Variants in DGKK observed in about 807,000 individuals in gnomAD.
The protein encoded by DGKK is 142 kDa diacylglycerol kinase.
In DGKK, 35 loss-of-function variants were observed where a neutral mutation model predicts 92.2. The ratio of observed to expected loss-of-function variants is 0.38; its 90% confidence interval spans 0.29 to 0.50. DGKK has a LOEUF of 0.50. Among genes scored for constraint, DGKK ranks in the 20% least tolerant of loss-of-function variants. The pLI is 0.92. For synonymous variants in DGKK, 368 were observed against 360.6 expected (o/e 1.02, Z -0.23); for missense variants, 910 against 992.2 (o/e 0.92, Z 1.11).
At chrX:50,431,246 TC>T (rs1925878402) in intron 1 of DGKK, among the ~76,000 whole-genome samples, 1 of 111,268 alleles carries the variant, frequency 9.0e-6, no homozygotes, top group African/African-American at 3.3e-5. Flanking sequence ...CCCAGGCTGG[TC>T]TTGAACTCCT....
At chrX:50,469,264 T>C (rs1926989190) in intron 1 of DGKK, among the ~76,000 whole-genome samples, 1 of 112,087 alleles carries the variant, frequency 8.9e-6, no homozygotes, top group African/African-American at 3.2e-5. Flanking sequence ...CCATTCCAAT[T>C]GGCCCTGGTG....
intron 1 of DGKK, among the ~76,000 whole-genome samples, chrX:50,464,254 C>A (rs1368697297): frequency 2.8e-5 from 3 of 107,625 alleles, no homozygotes; most frequent in African/African-American, 1.0e-4. Flanking sequence ...ATATCCTCTT[C>A]ACCAACACAT....
chrX:50,438,797 T>G (rs1196168903), intron 1 of DGKK, among the ~76,000 whole-genome samples: 2 of 111,593 alleles, frequency 1.8e-5, no homozygotes, highest in Non-Finnish European at 3.8e-5. Context: ...ATATGAAAAT[T>G]TGGCACTTGA....
chrX:50,414,132 C>T (rs181368556), intron 4 of DGKK, among the ~76,000 whole-genome samples: 5 of 111,397 alleles, frequency 4.5e-5, no homozygotes, highest in South Asian at 7.7e-4. Context: ...TGCATGATCT[C>T]ATTTATATAT....
At chrX:50,389,412 C>T (rs1924628564) in intron 12 of DGKK, among the ~76,000 whole-genome samples, 1 of 112,062 alleles carries the variant, frequency 8.9e-6, no homozygotes, top group Non-Finnish European at 1.9e-5. Context: ...TGCCTCTAGT[C>T]TTTTATTCCT....
chrX:50,404,420 A>G (rs1325146845), intron 4 of DGKK, among the ~76,000 whole-genome samples: 1 of 109,061 alleles, frequency 9.2e-6, no homozygotes, highest in Non-Finnish European at 1.9e-5. Flanking sequence ...ACCCTGGAAT[A>G]GAAGCTGAAG....
intron 8 of DGKK, among the ~76,000 whole-genome samples, chrX:50,395,797 C>CA (rs35132890): frequency 0.36 from 29,579 of 81,144 alleles, 4,367 homozygotes; most frequent in Middle Eastern, 0.49. Flanking sequence ...AGAACATTGG[C>CA]AAAAAAAAAA....
chrX:50,452,568 C>A (rs141077344), intron 1 of DGKK, among the ~76,000 whole-genome samples: 1,254 of 111,796 alleles, frequency 0.011, 11 homozygotes, highest in Non-Finnish European at 0.019. Context: ...ACAGCACAGT[C>A]CTGAGATGCA....
intron 3 of DGKK, among the ~76,000 whole-genome samples, chrX:50,421,418 G>A (rs1259379156): frequency 2.4e-4 from 27 of 111,953 alleles, no homozygotes; most frequent in African/African-American, 8.8e-4. Context: ...TGTGGTCGAT[G>A]GAAATAGGAG....
intron 18 of DGKK, among the ~76,000 whole-genome samples, chrX:50,381,079 G>A (rs1210763431): frequency 9.8e-5 from 11 of 111,978 alleles, no homozygotes; most frequent in African/African-American, 3.3e-4. Flanking sequence ...TAGAACAGAA[G>A]TGAGAGTCCA....
At chrX:50,394,717 A>G (rs1557225920) in intron 8 of DGKK, among the ~76,000 whole-genome samples, 1 of 111,774 alleles carries the variant, frequency 8.9e-6, no homozygotes, top group African/African-American at 3.3e-5. Flanking sequence ...GCCCTTGTGG[A>G]ACTTATATTT....
rs782098577 is a variant in DGKK at position 50,401,139 on chromosome X, C to T, written c.1309G>A (p.Val437Met). The T allele has an allele frequency of 8.4e-7, 1 of 1,190,400 alleles. No individual in the cohort carries two copies. Among genetic ancestry groups the T allele is most frequent in the Admixed American group, 2.3e-5 (1 of 43,660 alleles). ...DFRCLWCNST[V>M]HDDCRRRFSK... ...AACCGTCTCCTACAGTCATCATGCACCTGAAACGACAAGAGAAGAGCAGAG... is the reference window on the plus strand; with the variant it reads ...AACCGTCTCCTACAGTCATCATGCATCTGAAACGACAAGAGAAGAGCAGAG... The change falls in exon 8 of 28, where the codon GTG becomes ATG. Residue 437 changes from valine to methionine, a missense_variant and splice_region_variant. Coordinates refer to ENST00000611977, the MANE Select transcript of DGKK (RefSeq NM_001013742.4).
chrX:50,462,642 G>A (rs1341370485), intron 1 of DGKK, among the ~76,000 whole-genome samples: 1 of 108,394 alleles, frequency 9.2e-6, no homozygotes, highest in African/African-American at 3.4e-5. Flanking sequence ...AAATCTCCAG[G>A]GGAAAAGATT....
chrX:50,376,528 A>G (rs1178891598), intron 23 of DGKK, among the ~76,000 whole-genome samples: 10 of 111,840 alleles, frequency 8.9e-5, no homozygotes, highest in Admixed American at 2.8e-4. Flanking sequence ...GATTAGCAAC[A>G]AGAGATCCAA....
intron 8 of DGKK, among the ~76,000 whole-genome samples, chrX:50,398,515 C>T (rs1212952431): frequency 1.8e-5 from 2 of 111,908 alleles, no homozygotes; most frequent in African/African-American, 6.5e-5. Context: ...AAAGCTAACT[C>T]ATGGGATATT....
Position 50,390,373 on chromosome X carries a change from G to A in DGKK, c.1881C>T (p.Thr627=), listed in dbSNP as rs1557225397. 1 of 1,209,373 alleles carries A rather than the reference G, an allele frequency of 8.3e-7. No homozygotes were observed. The highest frequency in any genetic ancestry group is 1.1e-6 in the Non-Finnish European group (1 of 894,684). Residue 627 remains threonine (T), a synonymous_variant, in exon 12 of 28, where the codon ACC becomes ACT. Transcript: ENST00000611977. The stretch of plus-strand genomic sequence containing the variant: ...TTTCAACCTGTCCTTTTAGCAGCGG[G>A]GTTTGTCTGGGAGTCTCACGAATCA... ...SVMIRETPRQ[T]PLLKGQVEMD... is the part of the protein sequence containing the mutation.
At chrX:50,424,871 TG>T (rs1244743892) in intron 1 of DGKK, among the ~76,000 whole-genome samples, 1 of 111,609 alleles carries the variant, frequency 9.0e-6, no homozygotes, top group African/African-American at 3.3e-5. Context: ...GTCTTTACCA[TG>T]GTTTGTCTTC....
At chrX:50,406,275 G>A (rs1389173457) in intron 4 of DGKK, among the ~76,000 whole-genome samples, 1 of 111,988 alleles carries the variant, frequency 8.9e-6, no homozygotes, top group Non-Finnish European at 1.9e-5. Context: ...CAGTTGAGGT[G>A]ATGGAATTTA....
chrX:50,442,986 T>C (rs1926204115), intron 1 of DGKK, among the ~76,000 whole-genome samples: 1 of 111,756 alleles, frequency 8.9e-6, no homozygotes. Context: ...ACTTCATGGC[T>C]GCTTATTTCT....
Sources: allele counts gnomAD v4.1 joint callset (sites outside exome capture counted in the v4.1 genomes callset), GRCh38; gene constraint gnomAD v4.1.1; transcripts MANE v1.5; gene names NCBI Gene and HGNC (gene_info 2026-07-23, HGNC 2026-07-21).